NKX2-5: variants seen among roughly 807,000 people sequenced by gnomAD.
NKX2-5 encodes NK2 homeobox 5.
Under a neutral mutation model 24.5 loss-of-function variants are expected in NKX2-5, and 3 were observed. That is an observed-to-expected ratio of 0.12 (90% CI 0.06 to 0.32). The LOEUF is 0.32. Among genes scored for constraint, NKX2-5 ranks in the 10% least tolerant of loss-of-function variants. NKX2-5 has a pLI of 1.00. For missense variants in NKX2-5, 429 were observed against 452.4 expected, an observed-to-expected ratio of 0.95 and a Z score of 0.47; for synonymous variants, 215 against 217.6, an observed-to-expected ratio of 0.99 and a Z score of 0.11.
In NKX2-5 at chr5:173,233,149, C is replaced by G. The variant is rs754394393; in HGVS notation, c.395G>C (p.Arg132Pro). Residue 132 changes from arginine to proline, a missense_variant, in exon 2 of 2, where the codon CGG (arginine) becomes CCG (proline). Coordinates refer to ENST00000329198, the MANE Select transcript of NKX2-5 (RefSeq NM_004387.4). Reference sequence around the variant, plus strand: ...CTTCCTCCGCCGTCGCGCCCGGGGCCGCTCCGCGTTGTCCGCCTCTGTCTT... The same window carrying G: ...CTTCCTCCGCCGTCGCGCCCGGGGCGGCTCCGCGTTGTCCGCCTCTGTCTT... ...LEKTEADNAE[R>P]PRARRRRKPR... 1.6e-5 allele frequency: 25 copies of G among 1,602,854 alleles called. 1 individual carries two copies. The highest frequency in any genetic ancestry group is 2.7e-5 in the African/African-American group (2 of 74,830).
In NKX2-5 at chr5:173,232,683, G is replaced by T. The variant is rs77612903; in HGVS notation, c.861C>A (p.Ala287=). Residue 287 remains alanine (A), a synonymous_variant, in exon 2 of 2, where the codon GCC becomes GCA. Transcript: ENST00000329198. This position sits in a 1 kb window ranked among gnomAD's most constrained non-coding sequence, Gnocchi z 5.9. ...CGAAGTTCACGAAGTTGTTGTTGGC[G>T]GCGGCAGTGGCCGGCTGCGCTGGGG... is the stretch of plus-strand genomic sequence containing the variant. ...GPSPAQPATA[A]ANNNFVNFGV... 3 of 1,611,166 alleles carry T rather than the reference G, an allele frequency of 1.9e-6. No individual in the cohort carries two copies. The highest frequency in any genetic ancestry group is 2.2e-5 in the South Asian group (2 of 91,040).
rs72554028 is a variant in NKX2-5, at chr5:173,233,001, C to T, written c.543G>A (p.Gln181=). The T allele has an allele frequency of 6.4e-3, 10,363 of 1,611,374 alleles. 69 individuals carry two copies. The highest frequency in any genetic ancestry group is 0.023 in the Middle Eastern group (132 of 5,796). Reference sequence around the variant, plus strand: ...GCCGGTTCTGGAACCAGATCTTGACCTGCGTGGACGTGAGTTTCAGCACGC... The same window carrying T: ...GCCGGTTCTGGAACCAGATCTTGACTTGCGTGGACGTGAGTTTCAGCACGC... The part of the protein sequence containing the change: ...LASVLKLTST[Q]VKIWFQNRRY... The change falls in exon 2 of 2, where the codon CAG becomes CAA. Residue 181 remains glutamine (Q), a synonymous_variant. Transcript: ENST00000329198.
chr5:173,233,505 C>CAAAAAAAAAAAAAAAAAAAAAA (rs763099269), intron 1 of NKX2-5: 28 of 503,620 alleles, frequency 5.6e-5, no homozygotes, highest in African/African-American at 1.2e-4. Flanking sequence ...TTTCAGGCTG[C>CAAAAAAAAAAAAAAAAAAAAAA]AAAAAAAAAA....
Position 173,234,396 on chromosome 5 carries a change from AT to A in NKX2-5, c.334+353del, listed in dbSNP as rs1761412560. On this transcript the variant is annotated intron_variant, in intron 1 of 1. Transcript: ENST00000329198. ...AAAAAGATTCGTAAATCCAAAGGAGATTTAAAAACAGAGATTATCTGCTTGT... is the reference window on the plus strand; with the variant it reads ...AAAAAGATTCGTAAATCCAAAGGAGATTAAAAACAGAGATTATCTGCTTGT... The A allele has an allele frequency of 8.7e-6, 7 of 803,728 alleles. No individual in the cohort carries two copies. In the South Asian group the frequency reaches 4.0e-4, roughly 46 times the overall value. The allele number at this position is 803,728 out of a possible 1,614,324, so 49.8% of individuals were successfully genotyped here.
At position 173,234,609 on chromosome 5, in the gene NKX2-5, C is replaced by T. The variant is rs142227770; in HGVS notation, c.334+141G>A. The T allele has an allele frequency of 3.2e-4, 238 of 750,496 alleles. 2 individuals are homozygous for T. The African/African-American group carries it at 4.1e-3, about 13-fold the overall frequency. 46.5% of individuals were successfully genotyped at this position (750,496 alleles called of 1,614,324 possible). On this transcript the variant is annotated intron_variant, in intron 1 of 1. Transcript: ENST00000329198. ...GCGGGGCGCGGGAGCCTGGCGACAA[C>T]ACCAGGCATCTTACATTCTGAACCC...
Position 173,235,126 on chromosome 5 carries a change from G to T in NKX2-5, c.-43C>A, listed in dbSNP as rs3729937. On this transcript the variant is annotated 5_prime_UTR_variant, in exon 1 of 2. Coordinates refer to ENST00000329198, the MANE Select transcript of NKX2-5 (RefSeq NM_004387.4). Reference sequence around the variant, plus strand: ...CACAGCGCCAGGTGGGCGGCAGAAAGCGGCGCTGCCCACGGCCCCTGGCAG... The same window carrying T: ...CACAGCGCCAGGTGGGCGGCAGAAATCGGCGCTGCCCACGGCCCCTGGCAG... 1 of 1,564,984 alleles carries T rather than the reference G, an allele frequency of 6.4e-7. No homozygotes were observed. Among genetic ancestry groups the T allele is most frequent in the Non-Finnish European group, 8.6e-7 (1 of 1,157,222 alleles).
chr5:173,232,352 C>T lies in NKX2-5; in HGVS notation c.*217G>A. ...CTGGGGGGACAGCTAAGACACCAGG[C>T]TGCAGGATCACTCATTGCACGCTGC... On this transcript the variant is annotated 3_prime_UTR_variant, in exon 2 of 2. Transcript: ENST00000329198. This position sits in a 1 kb window ranked among gnomAD's most constrained non-coding sequence, Gnocchi z 5.9. The T allele has an allele frequency of 2.3e-6, 2 of 854,896 alleles. No homozygotes were observed. Among genetic ancestry groups the T allele is most frequent in the Non-Finnish European group, 3.5e-6 (2 of 566,868 alleles). 53.0% of individuals were successfully genotyped at this position (854,896 alleles called of 1,614,324 possible). A position where few individuals can be genotyped will look rare whatever the true frequency, so the allele number is the denominator to read the frequency against.
intron 1 of NKX2-5, 41 bp downstream of exon 1, chr5:173,234,709 C>T: frequency 6.9e-7 from 1 of 1,453,686 alleles, no homozygotes; most frequent in Non-Finnish European, 9.1e-7. Context: ...GGGACGAAAG[C>T]GACCCAGGAG....
In NKX2-5 at chr5:173,232,715, C is replaced by A. The variant is rs772729751; in HGVS notation, c.829G>T (p.Gly277Trp). 26 of 1,609,036 alleles carry A rather than the reference C, an allele frequency of 1.6e-5. No individual in the cohort carries two copies. Among genetic ancestry groups the A allele is most frequent in the South Asian group, 2.2e-5 (2 of 90,904 alleles). Residue 277 changes from glycine (G) to tryptophan (W), a missense_variant, in exon 2 of 2, where the codon GGG becomes TGG. Gly to Trp is a radical substitution (Grantham distance 184). Transcript: ENST00000329198. This position sits in a 1 kb window ranked among gnomAD's most constrained non-coding sequence, Gnocchi z 5.9. ...GYSCTAAYPA[G>W]PSPAQPATAA... ...GTGGCCGGCTGCGCTGGGGAAGGCC[C>A]GGCGGGGTAAGCGGCAGTGCAGCTG...
At chr5:173,234,510 C>T (rs554773161) in intron 1 of NKX2-5, among the ~76,000 whole-genome samples, 1 of 152,092 alleles carries the variant, frequency 6.6e-6, no homozygotes, top group Admixed American at 6.5e-5. Context: ...TTTGTTAGGC[C>T]GGGGGGAAAC....
rs767156737 is a variant in NKX2-5, at chr5:173,232,782, G to A, written c.762C>T (p.Pro254=). 2 of 1,610,492 alleles carry A rather than the reference G, an allele frequency of 1.2e-6. No individual in the cohort carries two copies. The highest frequency in any genetic ancestry group is 1.3e-5 in the African/African-American group (1 of 74,874). Residue 254 remains proline, a synonymous_variant, in exon 2 of 2, where the codon CCC becomes CCT. Transcript: ENST00000329198. The surrounding 1 kb of genome is among the most constrained non-coding windows in gnomAD (Gnocchi z 5.9). ...GLNPYGYNAY[P]AYPGYGGAAC... ...CCGCGCCGCCGTAACCCGGATAGGC[G>A]GGGTAGGCGTTATAACCGTAGGGAT... is the stretch of plus-strand genomic sequence containing the variant.
chr5:173,233,532 T>TA (rs1275879896), intron 1 of NKX2-5: 9 of 825,362 alleles, frequency 1.1e-5, no homozygotes, highest in African/African-American at 1.8e-5. Context: ...AATAAAAAAA[T>TA]AAAAAAATAA....
intron 1 of NKX2-5, chr5:173,234,200 A>C: frequency 5.5e-6 from 7 of 1,265,294 alleles, no homozygotes; most frequent in Non-Finnish European, 7.2e-6. Context: ...TTTAAAATCA[A>C]GGCCCTCGAT....
chr5:173,234,769 G>A lies in NKX2-5; in HGVS notation c.315C>T (p.Asp105=). 6.4e-7 allele frequency: 1 copy of A among 1,557,840 alleles called. No homozygotes were observed. The highest frequency in any genetic ancestry group is 8.7e-7 in the Non-Finnish European group (1 of 1,154,814). Residue 105 remains aspartate (D), a synonymous_variant, in exon 1 of 2, where the codon GAC becomes GAT. Coordinates refer to ENST00000329198, the MANE Select transcript of NKX2-5 (RefSeq NM_004387.4). ...RAYSDPDPAK[D]PRAEKKELCA... is the part of the protein sequence containing the mutation. ...CCTCACCTTTCTTTTCGGCTCTAGGGTCCTTGGCTGGGTCGGGGTCGCTGT... is the reference window on the plus strand; with the variant it reads ...CCTCACCTTTCTTTTCGGCTCTAGGATCCTTGGCTGGGTCGGGGTCGCTGT...
chr5:173,233,959 G>A, intron 1 of NKX2-5: 1 of 1,211,664 alleles, frequency 8.3e-7, no homozygotes, highest in Non-Finnish European at 1.0e-6. Flanking sequence ...CCTGCCTTGG[G>A]CTGGGGGGTC....
In NKX2-5 at chr5:173,234,892, C is replaced by G. The variant is rs1242630173; in HGVS notation, c.192G>C (p.Pro64=). 1 of 1,606,524 alleles carries G rather than the reference C, an allele frequency of 6.2e-7. No homozygotes were observed. Among genetic ancestry groups the G allele is most frequent in the South Asian group, 1.1e-5 (1 of 90,610 alleles). The change falls in exon 1 of 2, where the codon CCG becomes CCC. Residue 64 remains proline, a synonymous_variant. Transcript: ENST00000329198. ...EAYAGPEAAA[P]GLPELRAELG... The stretch of plus-strand genomic sequence containing the variant: ...GCTCTGCGCGCAGCTCTGGGAGGCC[C>G]GGCGCAGCCGCCTCGGGCCCAGCGT...
At chr5:173,233,566 G>A in intron 1 of NKX2-5, 1 of 818,212 alleles carries the variant, frequency 1.2e-6, no homozygotes, top group Non-Finnish European at 1.9e-6. Flanking sequence ...TGATGCTCTG[G>A]GGTGAACTGA....
intron 1 of NKX2-5, 100 bp from the exon 2 acceptor site, chr5:173,233,309 T>C (rs1410445956): frequency 6.5e-7 from 1 of 1,540,924 alleles, no homozygotes; most frequent in Non-Finnish European, 8.7e-7. Flanking sequence ...TGGAGGCCAC[T>C]GTGTCCTGCC....
rs983211970 is a variant in NKX2-5 at position 173,233,847 on chromosome 5, C to A, written c.335-638G>T. 146 of 985,452 alleles carry A rather than the reference C, an allele frequency of 1.5e-4. No homozygotes were observed. In the African/African-American group the frequency reaches 2.1e-3, roughly 14 times the overall value. The allele number at this position is 985,452 out of a possible 1,614,324, so 61.0% of individuals were successfully genotyped here. A position where few individuals can be genotyped will look rare whatever the true frequency, so the allele number is the denominator to read the frequency against. On this transcript the variant is annotated intron_variant, in intron 1 of 1. Coordinates refer to ENST00000329198, the MANE Select transcript of NKX2-5 (RefSeq NM_004387.4). ...GTGCCCGCCCGAATTTGTTCCCAGG[C>A]CTCTGCTCCTCAACAAACCTATGAA...
Sources: gnomAD v4.1 joint callset for allele counts (sites outside exome capture counted in the v4.1 genomes callset) on GRCh38, gnomAD v4.1.1 for gene constraint, Gnocchi (gnomAD v3.1) non-coding constraint, MANE v1.5 for transcripts, NCBI Gene and HGNC (gene_info 2026-07-23, HGNC 2026-07-21) for gene names.